Variants in GRIK4 observed in about 807,000 individuals in gnomAD.
GRIK4 encodes glutamate receptor ionotropic, kainate 4.
GRIK4 carries 40 observed loss-of-function variants against 104.9 expected under a neutral mutation model. The ratio of observed to expected loss-of-function variants is 0.38; its 90% CI spans 0.30 to 0.50. The LOEUF is 0.50. GRIK4 is among the 20% of genes least tolerant of loss of function. GRIK4 has a pLI of 0.93. For synonymous variants in GRIK4, 485 were observed against 524.9 expected (o/e 0.92, Z 1.04); for missense variants, 1,047 against 1,308.1 (o/e 0.80, Z 3.08).
In GRIK4 at chr11:120,956,822, G is replaced by C; in HGVS notation, c.1743G>C (p.Gln581His). ...GGTACAGCCCACACCCATGTGCCCA[G>C]GGCCGGTGCAACCTCCTGGTGAACC... ...YEWYSPHPCAQGRCNLLVNQY... is the reference protein window; with the variant it reads ...YEWYSPHPCAHGRCNLLVNQY... Residue 581 changes from glutamine to histidine, a missense_variant, in exon 16 of 21, where the codon CAG (glutamine) becomes CAC (histidine). This residue lies in a region of GRIK4 where 440 missense variants were observed against 652.3 expected (regional missense o/e 0.67). Transcript: ENST00000527524. The surrounding 1 kb of genome is among the most constrained non-coding windows in gnomAD (Gnocchi z 4.6). The C allele has an allele frequency of 6.2e-7, 1 of 1,613,864 alleles. No individual in the cohort carries two copies. Among genetic ancestry groups the C allele is most frequent in the South Asian group, 1.1e-5 (1 of 91,018 alleles).
At position 120,985,998 on chromosome 11, in the gene GRIK4, C is replaced by T. The variant is rs774675074; in HGVS notation, c.2609C>T (p.Pro870Leu). 1.6e-5 allele frequency: 25 copies of T among 1,530,382 alleles called. No individual in the cohort carries two copies. The South Asian group carries it at 2.2e-4, about 13-fold the overall frequency. 94.8% of individuals were successfully genotyped at this position (1,530,382 alleles called of 1,614,324 possible). ...CGCCGGCGGCGCGCCGCAGTCCCGC[C>T]GCCCCGGCCCCCCATCCCCGAGGAG... is the stretch of plus-strand genomic sequence containing the variant. ...HPRRRRAAVP[P>L]PRPPIPEERR... is the part of the protein sequence containing the mutation. The change falls in exon 21 of 21, where the codon CCG (proline) becomes CTG (leucine). Residue 870 changes from proline (P) to leucine (L), a missense_variant. Pro to Leu is a moderately conservative substitution (Grantham distance 98). Around this residue, in one of 3 missense-constraint regions of GRIK4, gnomAD observed 160 missense variants for 140.9 expected, o/e 1.14. Transcript: ENST00000527524.
rs754070747 is a variant in GRIK4, at chr11:120,956,989, G to T, written c.1874+36G>T. 2.0e-6 allele frequency: 3 copies of T among 1,533,780 alleles called. No individual in the cohort carries two copies. The South Asian group carries it at 3.8e-5, about 19-fold the overall frequency. On this transcript the variant is annotated intron_variant, in intron 16 of 20. Coordinates refer to ENST00000527524, the MANE Select transcript of GRIK4 (RefSeq NM_014619.5). The surrounding 1 kb of genome is among the most constrained non-coding windows in gnomAD (Gnocchi z 4.6). The stretch of plus-strand genomic sequence containing the variant: ...AGGCAGAGGTGAACCAGGCCAGGTG[G>T]GGTGGGGACACAAAAGGGGCCCTCT...
intron 7 of GRIK4, among the ~76,000 whole-genome samples, chr11:120,833,153 T>C (rs1296185798): frequency 6.6e-6 from 1 of 151,588 alleles, no homozygotes; most frequent in African/African-American, 2.4e-5. Context: ...TTTGAATGAG[T>C]TCTCTCAGTA....
chr11:120,571,601 C>A (rs748610166), intron 1 of GRIK4, among the ~76,000 whole-genome samples: 4 of 152,094 alleles, frequency 2.6e-5, no homozygotes, highest in African/African-American at 9.7e-5. Context: ...GATTCTAACT[C>A]CTCCTCCTGT....
intron 3 of GRIK4, among the ~76,000 whole-genome samples, chr11:120,740,361 C>A (rs530199971): frequency 1.3e-5 from 2 of 152,258 alleles, no homozygotes; most frequent in Admixed American, 1.3e-4. Context: ...GGCAGTAGCT[C>A]CCAGCCCCTC....
rs375439618 is a variant in GRIK4, at chr11:120,967,254, C to T, written c.2326C>T (p.Leu776=). The T allele has an allele frequency of 5.9e-5, 95 of 1,613,766 alleles. No individual in the cohort carries two copies. The highest frequency in any genetic ancestry group is 7.9e-5 in the Non-Finnish European group (93 of 1,179,868). ...TCTCCAGCTGCAGGAGAACAACCGC[C>T]TGGAGATCCTGAAGCGCAAATGGTG... ...AILQLQENNR[L]EILKRKWWEG... is the part of the protein sequence containing the mutation. The change falls in exon 19 of 21, where the codon CTG becomes TTG. Residue 776 remains leucine, a synonymous_variant. Transcript: ENST00000527524. This position sits in a 1 kb window ranked among gnomAD's most constrained non-coding sequence, Gnocchi z 4.2.
In GRIK4 at chr11:120,967,438, G is replaced by T; in HGVS notation, c.2395+115G>T. 1 of 1,116,558 alleles carries T rather than the reference G, an allele frequency of 9.0e-7. No individual in the cohort carries two copies. The highest frequency in any genetic ancestry group is 1.3e-6 in the Non-Finnish European group (1 of 798,064). The allele number at this position is 1,116,558 out of a possible 1,614,324, so 69.2% of individuals were successfully genotyped here. A position where few individuals can be genotyped will look rare whatever the true frequency, so the allele number is the denominator to read the frequency against. ...TGTAGGACCCATTGAGAACGGCCTT[G>T]GAAGGAACCTAGGTATAAAGTGGGC... On this transcript the variant is annotated intron_variant, in intron 19 of 20. Coordinates refer to ENST00000527524, the MANE Select transcript of GRIK4 (RefSeq NM_014619.5). This position sits in a 1 kb window ranked among gnomAD's most constrained non-coding sequence, Gnocchi z 4.2.
Position 120,911,395 on chromosome 11 carries a change from T to C in GRIK4, c.1476+5902T>C, listed in dbSNP as rs1223077720. 1.7e-3 allele frequency among the ~76,000 whole-genome samples: 258 copies of C among 149,126 alleles called. 1 individual carries two copies. The highest frequency in any genetic ancestry group is 6.0e-3 in the African/African-American group (244 of 40,936). ...CTGGGACTACAGGCGCGCGCCACCA[T>C]GCCCGGCTAATTTTTGTATTTTTAG... On this transcript the variant is annotated intron_variant, in intron 13 of 20. Coordinates refer to ENST00000527524, the MANE Select transcript of GRIK4 (RefSeq NM_014619.5).
At chr11:120,867,863 C>T (rs1302841814) in intron 9 of GRIK4, 1 of 152,062 alleles carries the variant, frequency 6.6e-6, no homozygotes, top group Non-Finnish European at 1.5e-5. Context: ...CTGCAAAGAA[C>T]AAAAATCCTG....
At chr11:120,933,689 A>G (rs889314745) in intron 13 of GRIK4, among the ~76,000 whole-genome samples, 2 of 152,190 alleles carry the variant, frequency 1.3e-5, no homozygotes, top group African/African-American at 2.4e-5. Context: ...TTCTACAACC[A>G]TCATCTCTTT....
At chr11:120,721,427 A>G (rs978717745) in intron 3 of GRIK4, among the ~76,000 whole-genome samples, 10 of 152,308 alleles carry the variant, frequency 6.6e-5, no homozygotes, top group African/African-American at 2.4e-4. Flanking sequence ...TCAGGAGACA[A>G]TTGCCCTTGA....
At chr11:120,704,712 A>G (rs779391110) in intron 3 of GRIK4, among the ~76,000 whole-genome samples, 1 of 151,722 alleles carries the variant, frequency 6.6e-6, no homozygotes, top group African/African-American at 2.4e-5. Flanking sequence ...GGGAAGCAAT[A>G]TTGTACAACA....
chr11:120,900,508 C>T lies in GRIK4; in HGVS notation c.1272+1869C>T, dbSNP rs79351972. Reference sequence around the variant, plus strand: ...TCCCTGCCTGTAAGGAGCTTACATTCCAGCAAGGAATGTGTGATAGACAGT... The same window carrying T: ...TCCCTGCCTGTAAGGAGCTTACATTTCAGCAAGGAATGTGTGATAGACAGT... On this transcript the variant is annotated intron_variant, in intron 12 of 20. Transcript: ENST00000527524. Among the ~76,000 whole-genome samples the T allele has an allele frequency of 5.4e-3, 803 of 148,062 alleles. 4 individuals carry two copies. Among genetic ancestry groups the T allele is most frequent in the African/African-American group, 0.018 (705 of 38,970 alleles).
intron 1 of GRIK4, among the ~76,000 whole-genome samples, chr11:120,608,433 C>T (rs1289307013): frequency 6.6e-6 from 1 of 152,264 alleles, no homozygotes; most frequent in Non-Finnish European, 1.5e-5. Context: ...CTCTTGGGGC[C>T]AGCCCCACTG....
At chr11:120,984,748 G>A (rs911324962) in intron 20 of GRIK4, among the ~76,000 whole-genome samples, 2 of 150,956 alleles carry the variant, frequency 1.3e-5, no homozygotes, top group South Asian at 2.1e-4. Context: ...CAGCCTGGGC[G>A]ACAGAGGAAG....
In GRIK4 at chr11:120,952,727, C is replaced by T; in HGVS notation, c.1591-128C>T. ...TCCCAGTGTCATTTAAACCAATCAC[C>T]CAGAACCCACAGAAATGGGAACTGG... On this transcript the variant is annotated intron_variant, in intron 14 of 20. Coordinates refer to ENST00000527524, the MANE Select transcript of GRIK4 (RefSeq NM_014619.5). This position sits in a 1 kb window ranked among gnomAD's most constrained non-coding sequence, Gnocchi z 5.2. The T allele has an allele frequency of 1.4e-6, 1 of 734,846 alleles. No homozygotes were observed. Among genetic ancestry groups the T allele is most frequent in the Non-Finnish European group, 2.5e-6 (1 of 404,552 alleles). The allele number at this position is 734,846 out of a possible 1,614,324, so 45.5% of individuals were successfully genotyped here. A position where few individuals can be genotyped will look rare whatever the true frequency, so the allele number is the denominator to read the frequency against.
intron 1 of GRIK4, among the ~76,000 whole-genome samples, chr11:120,569,396 A>C (rs1229340892): frequency 6.6e-6 from 1 of 152,216 alleles, no homozygotes. Context: ...GCTGCCTTCC[A>C]TCCATTATCT....
At chr11:120,691,259 A>T (rs527781416) in intron 3 of GRIK4, among the ~76,000 whole-genome samples, 1 of 152,258 alleles carries the variant, frequency 6.6e-6, no homozygotes, top group African/African-American at 2.4e-5. Flanking sequence ...CAGGCCTGGG[A>T]TGGAGGCTTG....
intron 1 of GRIK4, among the ~76,000 whole-genome samples, chr11:120,622,953 C>A (rs1196303057): frequency 6.6e-6 from 1 of 152,190 alleles, no homozygotes; most frequent in Non-Finnish European, 1.5e-5. Context: ...TTTTGCCATG[C>A]AAGGTAACAT....
Sources: gnomAD v4.1 joint callset for allele counts (sites outside exome capture counted in the v4.1 genomes callset) on GRCh38, gnomAD v4.1.1 for gene constraint, gnomAD v4.1.1 regional missense constraint, Gnocchi (gnomAD v3.1) non-coding constraint, MANE v1.5 for transcripts, NCBI Gene and HGNC (gene_info 2026-07-23, HGNC 2026-07-21) for gene names.